The following TFDP2 variants were observed in gnomAD, a reference collection of about 807,000 sequenced individuals.
TFDP2 encodes the protein transcription factor Dp-2, also known as transcription factor Dp-2 (E2F dimerization partner 2).
TFDP2 carries 17 observed loss-of-function variants against 59.3 expected under a neutral mutation model. The ratio of observed to expected loss-of-function variants is 0.29; its 90% CI spans 0.20 to 0.43. The LOEUF (loss-of-function observed/expected upper bound fraction) is 0.43. Among genes scored for constraint, TFDP2 ranks in the 20% least tolerant of loss-of-function variants. The pLI is 1.00. For synonymous variants in TFDP2, 180 were observed against 194.7 expected, an observed-to-expected ratio of 0.92 and a Z score of 0.63; for missense variants, 391 against 528.8, an observed-to-expected ratio of 0.74 and a Z score of 2.56.
chr3:142,080,505 T>C (rs967734510), intron 3 of TFDP2, among the ~76,000 whole-genome samples: 3 of 151,858 alleles, frequency 2.0e-5, no homozygotes, highest in Admixed American at 6.6e-5. Flanking sequence ...TTATCAACAA[T>C]AACATCGAAT....
At chr3:141,978,202 G>A (rs1940995602) in intron 7 of TFDP2, among the ~76,000 whole-genome samples, 1 of 151,780 alleles carries the variant, frequency 6.6e-6, no homozygotes, top group Non-Finnish European at 1.5e-5. Context: ...AAAATTGGCT[G>A]GGAATGGTGG....
chr3:142,022,451 T>A (rs1945689541), intron 3 of TFDP2, among the ~76,000 whole-genome samples: 1 of 152,234 alleles, frequency 6.6e-6, no homozygotes, highest in African/African-American at 2.4e-5. Flanking sequence ...ATTTTTTCAC[T>A]GTTTAGCCCA....
chr3:141,996,825 G>C (rs1434457290), intron 4 of TFDP2, among the ~76,000 whole-genome samples: 1 of 152,156 alleles, frequency 6.6e-6, no homozygotes, highest in Non-Finnish European at 1.5e-5. Flanking sequence ...TTAGCACCTA[G>C]AAATGTTTAT....
chr3:141,961,723 T>C (rs1237302532), intron 10 of TFDP2, among the ~76,000 whole-genome samples: 3 of 152,174 alleles, frequency 2.0e-5, no homozygotes, highest in Non-Finnish European at 4.4e-5. Flanking sequence ...ATTCTTATTT[T>C]TGTGGAGAAA....
chr3:142,135,003 C>T (rs1330330187), intron 1 of TFDP2, among the ~76,000 whole-genome samples: 4 of 152,160 alleles, frequency 2.6e-5, no homozygotes, highest in African/African-American at 9.6e-5. Flanking sequence ...TCATTAGCCA[C>T]AGCATTTCCA....
chr3:142,101,649 G>A (rs2108647143), intron 2 of TFDP2, 86 bp downstream of exon 2: 2 of 872,802 alleles, frequency 2.3e-6, no homozygotes, highest in South Asian at 4.9e-5. Context: ...ATTAAATCTG[G>A]TTAACCAGAA....
intron 1 of TFDP2, among the ~76,000 whole-genome samples, chr3:142,108,538 T>C (rs1330228539): frequency 6.6e-6 from 1 of 152,166 alleles, no homozygotes; most frequent in Non-Finnish European, 1.5e-5. Context: ...TAAAATATTT[T>C]AATCTCAGAG....
In TFDP2 at chr3:142,121,850, T is replaced by TA. The variant is rs11290927; in HGVS notation, c.-92-20010dup. ...CCTGTCTCTACTAAAAATACGAAGT[T>TA]AAAAAAAAAAAAACTTCATTGTAGA... On this transcript the variant is annotated intron_variant, in intron 1 of 12. Coordinates refer to ENST00000489671, the MANE Select transcript of TFDP2 (RefSeq NM_001178139.2). The surrounding 1 kb of genome is among the most constrained non-coding windows in gnomAD (Gnocchi z 4.3). 5.8e-4 allele frequency among the ~76,000 whole-genome samples: 86 copies of TA among 148,620 alleles called. No individual in the cohort carries two copies. The highest frequency in any genetic ancestry group is 9.7e-4 in the Non-Finnish European group (65 of 66,958).
intron 1 of TFDP2, among the ~76,000 whole-genome samples, chr3:142,110,362 G>A (rs1467941052): frequency 1.3e-5 from 2 of 152,068 alleles, no homozygotes; most frequent in African/African-American, 4.8e-5. Flanking sequence ...AAATTAGCCG[G>A]GCGTGGCGGC....
intron 2 of TFDP2, among the ~76,000 whole-genome samples, chr3:142,094,428 C>T (rs2061098455): frequency 6.6e-6 from 1 of 151,954 alleles, no homozygotes; most frequent in South Asian, 2.1e-4. Flanking sequence ...CCTCAGCCTC[C>T]CAGGTAGCTG....
At chr3:142,095,105 C>T (rs949076476) in intron 2 of TFDP2, among the ~76,000 whole-genome samples, 1 of 152,054 alleles carries the variant, frequency 6.6e-6, no homozygotes, top group Non-Finnish European at 1.5e-5. Context: ...ATTCTCCTGC[C>T]TCAACCTCCC....
At position 141,945,298 on chromosome 3, in the gene TFDP2, T is replaced by G. The variant is rs535896396; in HGVS notation, c.*7215A>C. On this transcript the variant is annotated 3_prime_UTR_variant, in exon 13 of 13. Transcript: ENST00000489671. ...GCATGCGCCACCACACCCGGCTAAT[T>G]TTATATTTTTAGTAGAGACAGGGTT... 2.0e-5 allele frequency: 3 copies of G among 150,960 alleles called. No homozygotes were observed. The highest frequency in any genetic ancestry group is 2.9e-5 in the Non-Finnish European group (2 of 68,078). The allele number at this position is 150,960 out of a possible 1,614,324, so 9.4% of individuals were successfully genotyped here. A position where few individuals can be genotyped will look rare whatever the true frequency, so the allele number is the denominator to read the frequency against.
At chr3:142,019,343 C>T (rs1031304860) in intron 3 of TFDP2, among the ~76,000 whole-genome samples, 9 of 152,130 alleles carry the variant, frequency 5.9e-5, no homozygotes, top group Non-Finnish European at 1.0e-4. Flanking sequence ...GGATTACAGG[C>T]GTGAGCCACT....
chr3:142,078,551 T>C (rs2060539170), intron 3 of TFDP2, among the ~76,000 whole-genome samples: 1 of 152,162 alleles, frequency 6.6e-6, no homozygotes, highest in Non-Finnish European at 1.5e-5. Flanking sequence ...CCTCTACAAG[T>C]CTGCAAGAAC....
intron 1 of TFDP2, among the ~76,000 whole-genome samples, chr3:142,117,154 C>G (rs887843290): frequency 6.6e-6 from 1 of 152,144 alleles, no homozygotes; most frequent in African/African-American, 2.4e-5. Flanking sequence ...CTCCTGACCT[C>G]AAGTGATCTG....
At chr3:142,037,538 C>G (rs1946746074) in intron 3 of TFDP2, among the ~76,000 whole-genome samples, 1 of 152,104 alleles carries the variant, frequency 6.6e-6, no homozygotes, top group Non-Finnish European at 1.5e-5. Context: ...GGCAGAAAAA[C>G]AGAACTGTGC....
At chr3:141,964,126 T>C (rs1388746571) in intron 9 of TFDP2, among the ~76,000 whole-genome samples, 163 bp from the exon 10 acceptor site, 1 of 152,096 alleles carries the variant, frequency 6.6e-6, no homozygotes, top group Non-Finnish European at 1.5e-5. Flanking sequence ...TAAGAAAGAA[T>C]GATCCAACTC....
chr3:142,093,543 A>C (rs542026513), intron 2 of TFDP2, among the ~76,000 whole-genome samples: 1 of 152,334 alleles, frequency 6.6e-6, no homozygotes, highest in South Asian at 2.1e-4. Flanking sequence ...GAGATTTTAC[A>C]GATTTTACTG....
chr3:141,992,987 T>TAA (rs1942928292), intron 6 of TFDP2, among the ~76,000 whole-genome samples: 1 of 152,216 alleles, frequency 6.6e-6, no homozygotes. Flanking sequence ...ACTTTCCTTA[T>TAA]GCCCAACATA....
Sources: allele counts gnomAD v4.1 joint callset (sites outside exome capture counted in the v4.1 genomes callset), GRCh38; gene constraint gnomAD v4.1.1; non-coding constraint Gnocchi (gnomAD v3.1); transcripts MANE v1.5; gene names NCBI Gene and HGNC (gene_info 2026-07-23, HGNC 2026-07-21).